PCDHA9: variants seen among roughly 807,000 people sequenced by gnomAD.
The protein encoded by PCDHA9 is protocadherin alpha 9, also known as protocadherin alpha-9.
A neutral mutation model predicts 62.0 loss-of-function variants in PCDHA9; 62 were observed. That is an observed-to-expected ratio of 1.00 (90% CI 0.81 to 1.23). The LOEUF (loss-of-function observed/expected upper bound fraction) is 1.23, where lower values mean the gene tolerates loss of function less well. PCDHA9 is among the 50% of genes most tolerant of loss of function. PCDHA9 has a pLI of 0.00. For missense variants in PCDHA9, 1,205 were observed against 1,249.8 expected, an observed-to-expected ratio of 0.96 and a Z score of 0.54; for synonymous variants, 557 against 567.6, an observed-to-expected ratio of 0.98 and a Z score of 0.27.
rs2150479492 is a variant in PCDHA9 at position 140,850,321 on chromosome 5, A to G, written c.1826A>G (p.Tyr609Cys). ...ADSGYNAWLSYELQPETASAS... is the reference protein window; with the variant it reads ...ADSGYNAWLSCELQPETASAS... ...TCGGGCTACAACGCGTGGCTTTCATACGAGCTGCAGCCAGAAACGGCCAGC... is the reference window on the plus strand; with the variant it reads ...TCGGGCTACAACGCGTGGCTTTCATGCGAGCTGCAGCCAGAAACGGCCAGC... The change falls in exon 1 of 4, where the codon TAC becomes TGC. Residue 609 changes from tyrosine (Y) to cysteine (C), a missense_variant. By Grantham distance (194) the Tyr-to-Cys change is radical. This residue lies in a region of PCDHA9 where 887 missense variants were observed against 809.5 expected (regional missense o/e 1.10). Transcript: ENST00000532602. 1 of 1,597,400 alleles carries G rather than the reference A, an allele frequency of 6.3e-7. No homozygotes were observed. The highest frequency in any genetic ancestry group is 1.7e-5 in the Admixed American group (1 of 59,268).
At chr5:140,928,034 G>A in intron 1 of PCDHA9, 1 of 1,614,206 alleles carries the variant, frequency 6.2e-7, no homozygotes, top group South Asian at 1.1e-5. Flanking sequence ...GGCATGTCTA[G>A]TGCAGGCCCT....
intron 1 of PCDHA9, among the ~76,000 whole-genome samples, chr5:140,941,737 T>A (rs1221306435): frequency 3.9e-5 from 6 of 152,234 alleles, no homozygotes; most frequent in Admixed American, 2.0e-4. Context: ...TTCCCCATTA[T>A]CTTATCAGAT....
chr5:140,904,156 G>C (rs1554191312), intron 1 of PCDHA9, among the ~76,000 whole-genome samples: 1 of 152,028 alleles, frequency 6.6e-6, no homozygotes, highest in Non-Finnish European at 1.5e-5. Flanking sequence ...ATTGCACCCA[G>C]TTTGTAGTCT....
At chr5:140,969,908 T>C (rs1586401643) in intron 1 of PCDHA9, among the ~76,000 whole-genome samples, 4 of 152,184 alleles carry the variant, frequency 2.6e-5, no homozygotes, top group Non-Finnish European at 4.4e-5. Context: ...ATGTCACAAG[T>C]GATAAAGCTG....
At chr5:140,884,166 C>A in intron 1 of PCDHA9, 1 of 1,613,430 alleles carries the variant, frequency 6.2e-7, no homozygotes, top group Non-Finnish European at 8.5e-7. Context: ...GAGATCAGCA[C>A]GACGCGCCCT....
intron 1 of PCDHA9, among the ~76,000 whole-genome samples, chr5:140,964,412 GC>G (rs1330052602): frequency 7.9e-5 from 12 of 152,126 alleles, no homozygotes; most frequent in African/African-American, 2.9e-4. Flanking sequence ...ACATTTGGGG[GC>G]TTCCATTAAA....
Position 140,939,111 on chromosome 5 carries a change from T to G in PCDHA9, c.2395-39838T>G, listed in dbSNP as rs141486595. Reference sequence around the variant, plus strand: ...CTTAAAAACAATAGAAATTTATTTTTCACAATTCTGGAAGCTGGAAAGTTG... The same window carrying G: ...CTTAAAAACAATAGAAATTTATTTTGCACAATTCTGGAAGCTGGAAAGTTG... On this transcript the variant is annotated intron_variant, in intron 1 of 3. Coordinates refer to ENST00000532602, the MANE Select transcript of PCDHA9 (RefSeq NM_031857.2). Among the ~76,000 whole-genome samples, 62 of 152,324 alleles carry G rather than the reference T, an allele frequency of 4.1e-4. No homozygotes were observed. The East Asian group carries it at 0.01, about 25-fold the overall frequency.
At position 140,924,716 on chromosome 5, in the gene PCDHA9, G is replaced by A. The variant is rs534222527; in HGVS notation, c.2395-54233G>A. On this transcript the variant is annotated intron_variant, in intron 1 of 3. Coordinates refer to ENST00000532602, the MANE Select transcript of PCDHA9 (RefSeq NM_031857.2). The stretch of plus-strand genomic sequence containing the variant: ...TCGAGACCAGCTTGTGCAACATGGC[G>A]AAACCTCACCTCTAATAAAAATACA... Among the ~76,000 whole-genome samples, 5 of 151,980 alleles carry A rather than the reference G, an allele frequency of 3.3e-5. No homozygotes were observed. The South Asian group carries it at 1.0e-3, about 32-fold the overall frequency.
Position 140,942,409 on chromosome 5 carries a change from T to TA in PCDHA9, c.2395-36528dup, listed in dbSNP as rs78736997. On this transcript the variant is annotated intron_variant, in intron 1 of 3. Coordinates refer to ENST00000532602, the MANE Select transcript of PCDHA9 (RefSeq NM_031857.2). Reference sequence around the variant, plus strand: ...CCTGGGCGACAGATGAGACTCTGTTTAAAAAAAAAAAAGATATCTAACAAT... The same window carrying TA: ...CCTGGGCGACAGATGAGACTCTGTTTAAAAAAAAAAAAAGATATCTAACAAT... Among the ~76,000 whole-genome samples, 1,256 of 143,596 alleles carry TA rather than the reference T, an allele frequency of 8.7e-3. 8 individuals are homozygous for TA. Among genetic ancestry groups the TA allele is most frequent in the African/African-American group, 0.03 (1,168 of 39,342 alleles). 94.2% of individuals were successfully genotyped at this position (143,596 alleles called of 152,430 possible).
rs782119738 is a variant in PCDHA9, at chr5:140,927,224, G to A, written c.2395-51725G>A. ...GACCCGCTGGAGCTGCACAAGATTC[G>A]GATTCACGTCCTGGACACCAATGAC... On this transcript the variant is annotated intron_variant, in intron 1 of 3. Coordinates refer to ENST00000532602, the MANE Select transcript of PCDHA9 (RefSeq NM_031857.2). 3 of 1,614,072 alleles carry A rather than the reference G, an allele frequency of 1.9e-6. No homozygotes were observed. The South Asian group carries it at 3.3e-5, about 18-fold the overall frequency.
At chr5:140,975,594 A>G (rs914837592) in intron 1 of PCDHA9, among the ~76,000 whole-genome samples, 3 of 152,236 alleles carry the variant, frequency 2.0e-5, no homozygotes, top group Admixed American at 2.0e-4. Flanking sequence ...CCAGAGGGCA[A>G]TTTGTTGATG....
intron 1 of PCDHA9, among the ~76,000 whole-genome samples, chr5:140,855,693 A>G (rs2043577719): frequency 6.7e-6 from 1 of 149,800 alleles, no homozygotes; most frequent in African/African-American, 2.5e-5. Context: ...TTAAGAAAAC[A>G]TTGCACGTGG....
At chr5:140,883,470 A>T in intron 1 of PCDHA9, 3 of 1,614,126 alleles carry the variant, frequency 1.9e-6, no homozygotes, top group Non-Finnish European at 1.7e-6. Context: ...GTGTCCACCT[A>T]CAAGAACTAC....
In PCDHA9 at chr5:140,857,847, C is replaced by G. The variant is rs782775653; in HGVS notation, c.2394+6958C>G. The G allele has an allele frequency of 1.4e-5, 23 of 1,597,872 alleles. 1 individual carries two copies. The South Asian group carries it at 2.0e-4, about 14-fold the overall frequency. On this transcript the variant is annotated intron_variant, in intron 1 of 3. Coordinates refer to ENST00000532602, the MANE Select transcript of PCDHA9 (RefSeq NM_031857.2). Reference sequence around the variant, plus strand: ...AAGGTGCGCGCAGTGGACGCTGACTCTGGATACAACGCGTGGCTGTCGTAT... The same window carrying G: ...AAGGTGCGCGCAGTGGACGCTGACTGTGGATACAACGCGTGGCTGTCGTAT...
In PCDHA9 at chr5:140,856,537, G is replaced by T. The variant is rs782543512; in HGVS notation, c.2394+5648G>T. 18 of 1,598,256 alleles carry T rather than the reference G, an allele frequency of 1.1e-5. 3 individuals carry two copies. The highest frequency in any genetic ancestry group is 1.5e-5 in the Non-Finnish European group (18 of 1,167,836). ...GCGCATCTGATGCGGATGTTGGAGA[G>T]AACGCATTGCTTACTTACAAACTCA... On this transcript the variant is annotated intron_variant, in intron 1 of 3. Coordinates refer to ENST00000532602, the MANE Select transcript of PCDHA9 (RefSeq NM_031857.2).
At chr5:140,883,365 G>A in intron 1 of PCDHA9, 1 of 1,614,148 alleles carries the variant, frequency 6.2e-7, no homozygotes, top group Non-Finnish European at 8.5e-7. Context: ...ACTCAGCCTA[G>A]CGCCATTATT....
chr5:140,906,193 AAGTTGACACTC>A (rs1337204998), intron 1 of PCDHA9, among the ~76,000 whole-genome samples: 4 of 152,140 alleles, frequency 2.6e-5, no homozygotes, highest in African/African-American at 9.7e-5. Context: ...CAATCCAATC[AAGTTGACACTC>A]AGTATTAACC....
intron 1 of PCDHA9, chr5:140,865,372 A>G (rs2048845131): frequency 6.6e-6 from 1 of 152,208 alleles, no homozygotes; most frequent in Non-Finnish European, 1.5e-5. Flanking sequence ...TAACCATGTT[A>G]TAGGTAGGGT....
intron 1 of PCDHA9, among the ~76,000 whole-genome samples, chr5:140,945,881 A>C (rs1334626828): frequency 6.6e-6 from 1 of 152,158 alleles, no homozygotes; most frequent in African/African-American, 2.4e-5. Flanking sequence ...AAAACTAACA[A>C]AGAAAACACA....
Sources: gnomAD v4.1 joint callset for allele counts (sites outside exome capture counted in the v4.1 genomes callset) on GRCh38, gnomAD v4.1.1 for gene constraint, gnomAD v4.1.1 regional missense constraint, MANE v1.5 for transcripts, NCBI Gene and HGNC (gene_info 2026-07-23, HGNC 2026-07-21) for gene names.